SOX5: variants seen among roughly 807,000 people sequenced by gnomAD.
SOX5 encodes SRY-box transcription factor 5.
In SOX5, 9 loss-of-function variants were observed where a neutral mutation model predicts 92.0. The observed-to-expected ratio is 0.10, with a 90% CI of 0.06 to 0.17. SOX5 has a LOEUF of 0.17. SOX5 is among the 10% of genes least tolerant of loss of function. The pLI is 1.00. For synonymous variants in SOX5, 344 were observed against 336.3 expected, an observed-to-expected ratio of 1.02 and a Z score of -0.25; for missense variants, 642 against 944.5, an observed-to-expected ratio of 0.68 and a Z score of 4.20.
intron 2 of SOX5, among the ~76,000 whole-genome samples, chr12:23,879,562 G>C (rs1003508294): frequency 6.6e-6 from 1 of 152,092 alleles, no homozygotes; most frequent in South Asian, 2.1e-4. Context: ...AAGCAGCATG[G>C]TACCAGGGCA....
intron 2 of SOX5, among the ~76,000 whole-genome samples, chr12:24,301,437 T>G (rs1947934571): frequency 6.6e-6 from 1 of 152,236 alleles, no homozygotes; most frequent in Non-Finnish European, 1.5e-5. Flanking sequence ...TAATCATGAA[T>G]GTATCTCATA....
At chr12:24,006,888 C>T (rs1275696962) in intron 4 of SOX5, among the ~76,000 whole-genome samples, 3 of 151,992 alleles carry the variant, frequency 2.0e-5, no homozygotes, top group South Asian at 2.1e-4. Context: ...AATCCCAGCA[C>T]TTTGGGAGGC....
intron 4 of SOX5, among the ~76,000 whole-genome samples, chr12:24,197,807 A>T (rs1957148151): frequency 6.6e-6 from 1 of 152,204 alleles, no homozygotes. Context: ...CTTGGACTGC[A>T]TCCGCGTATC....
chr12:23,932,831 A>G, intron 1 of SOX5, among the ~76,000 whole-genome samples: 1 of 151,696 alleles, frequency 6.6e-6, no homozygotes. Flanking sequence ...AAGTACCTAA[A>G]TGTTGTCATA....
intron 6 of SOX5, among the ~76,000 whole-genome samples, chr12:23,692,428 C>T (rs543211537): frequency 7.7e-6 from 1 of 130,338 alleles, no homozygotes; most frequent in African/African-American, 2.9e-5. Flanking sequence ...CAGAGTGAGA[C>T]TACGCCTCAG....
At chr12:23,934,399 ATATG>A (rs1435671723) in intron 1 of SOX5, among the ~76,000 whole-genome samples, 3 of 150,040 alleles carry the variant, frequency 2.0e-5, no homozygotes, top group Non-Finnish European at 4.5e-5. Context: ...ATACATATGT[ATATG>A]TATATCACAT....
At chr12:24,533,181 A>C (rs1951339934) in intron 1 of SOX5, among the ~76,000 whole-genome samples, 1 of 152,176 alleles carries the variant, frequency 6.6e-6, no homozygotes, top group Non-Finnish European at 1.5e-5. Context: ...AGACATAATG[A>C]ATATGATATT....
intron 3 of SOX5, among the ~76,000 whole-genome samples, chr12:23,757,744 A>C (rs576191551): frequency 6.6e-6 from 1 of 152,098 alleles, no homozygotes; most frequent in Admixed American, 6.6e-5. Flanking sequence ...ACCTCCAGGC[A>C]CCAAAAGCAG....
chr12:24,455,645 A>G (rs1019206791), intron 1 of SOX5, among the ~76,000 whole-genome samples: 3 of 152,226 alleles, frequency 2.0e-5, no homozygotes, highest in Non-Finnish European at 4.4e-5. Context: ...TTCCCTAAAC[A>G]TCCCTGAAAG....
intron 3 of SOX5, among the ~76,000 whole-genome samples, chr12:24,218,826 A>C (rs1444783203): frequency 6.6e-6 from 1 of 152,106 alleles, no homozygotes. Flanking sequence ...ATGGCTAAAA[A>C]CTAATAATAA....
At chr12:23,909,670 C>A (rs2138331203) in intron 1 of SOX5, among the ~76,000 whole-genome samples, 1 of 152,246 alleles carries the variant, frequency 6.6e-6, no homozygotes, top group Admixed American at 6.5e-5. Context: ...CTGTATAAAC[C>A]AGTCCTGTCA....
At chr12:24,257,183 GA>G (rs1941339079) in intron 3 of SOX5, among the ~76,000 whole-genome samples, 1 of 152,186 alleles carries the variant, frequency 6.6e-6, no homozygotes, top group Admixed American at 6.5e-5. Context: ...TAAGTTGAAT[GA>G]AAAGTCAGAG....
chr12:24,206,368 G>C (rs1214752922), intron 4 of SOX5, among the ~76,000 whole-genome samples: 1 of 152,174 alleles, frequency 6.6e-6, no homozygotes, highest in African/African-American at 2.4e-5. Flanking sequence ...GTTAGCACAG[G>C]AAAAGTGATG....
At position 24,429,541 on chromosome 12, in the gene SOX5, T is replaced by C. The variant is rs371952412; in HGVS notation, c.-250-60902A>G. On this transcript the variant is annotated intron_variant, in intron 1 of 4. Transcript: ENST00000446891. ...GAAGTATAGAGGGGAAGCTTCCATA[T>C]AAAATAAATTAAAAACAATGATTTA... 2.6e-5 allele frequency among the ~76,000 whole-genome samples: 4 copies of C among 152,018 alleles called. No individual in the cohort carries two copies. In the East Asian group the frequency reaches 5.8e-4, roughly 22 times the overall value.
At position 23,534,567 on chromosome 12, in the gene SOX5, T is replaced by C. The variant is rs537018539; in HGVS notation, c.1989-45A>G. The C allele has an allele frequency of 7.7e-4, 1,149 of 1,482,652 alleles. 28 individuals are homozygous for C. In the South Asian group the frequency reaches 0.012, roughly 15 times the overall value. The allele number at this position is 1,482,652 out of a possible 1,614,324, so 91.8% of individuals were successfully genotyped here. ...CAAAAAGACATCGTGGGTAAGTGAATAGTTAGATGTGGACTTTACTACATA... is the reference window on the plus strand; with the variant it reads ...CAAAAAGACATCGTGGGTAAGTGAACAGTTAGATGTGGACTTTACTACATA... On this transcript the variant is annotated intron_variant, in intron 14 of 14. Transcript: ENST00000451604.
At chr12:23,617,523 C>A (rs2076706376) in intron 8 of SOX5, among the ~76,000 whole-genome samples, 1 of 152,132 alleles carries the variant, frequency 6.6e-6, no homozygotes, top group Non-Finnish European at 1.5e-5. Flanking sequence ...CAAATTCAGT[C>A]TTACTCAGTG....
At chr12:23,966,704 CT>C (rs1442471015) in intron 4 of SOX5, among the ~76,000 whole-genome samples, 1 of 152,194 alleles carries the variant, frequency 6.6e-6, no homozygotes, top group Non-Finnish European at 1.5e-5. Flanking sequence ...CTCTTATGAT[CT>C]TCAGTTGCCT....
At chr12:24,171,226 T>C (rs1198924837) in intron 4 of SOX5, among the ~76,000 whole-genome samples, 1 of 69,376 alleles carries the variant, frequency 1.4e-5, no homozygotes, top group East Asian at 2.6e-3. Flanking sequence ...TGTTTGTTTG[T>C]TTGTTTTTTT....
chr12:24,385,556 G>A (rs1457619118), intron 1 of SOX5, among the ~76,000 whole-genome samples: 2 of 151,906 alleles, frequency 1.3e-5, no homozygotes, highest in East Asian at 1.9e-4. Flanking sequence ...CTGCACATGT[G>A]TGTCTCACAC....
Sources: gnomAD v4.1 joint callset for allele counts (sites outside exome capture counted in the v4.1 genomes callset) on GRCh38, gnomAD v4.1.1 for gene constraint, MANE v1.5 for transcripts, NCBI Gene and HGNC (gene_info 2026-07-23, HGNC 2026-07-21) for gene names.